Variants in EPN2 observed in about 807,000 individuals in gnomAD.
EPN2 encodes the protein epsin-2.
A neutral mutation model predicts 61.7 loss-of-function variants in EPN2; 34 were observed. That is an observed-to-expected ratio of 0.55 (90% CI 0.42 to 0.73). EPN2 has a LOEUF of 0.73. Ranked by LOEUF, EPN2 falls within the 30% of genes least tolerant of loss-of-function variation. EPN2 has a pLI of 0.00. For synonymous variants in EPN2, 349 were observed against 353.6 expected, an observed-to-expected ratio of 0.99 and a Z score of 0.15; for missense variants, 714 against 839.2, an observed-to-expected ratio of 0.85 and a Z score of 1.84.
chr17:19,287,082 G>A (rs558936905), intron 4 of EPN2, among the ~76,000 whole-genome samples: 1 of 152,050 alleles, frequency 6.6e-6, no homozygotes, highest in South Asian at 2.1e-4. Context: ...TAGCTCTCCC[G>A]CTGGCAAACT....
intron 1 of EPN2, among the ~76,000 whole-genome samples, chr17:19,272,720 T>G (rs1270645273): frequency 1.3e-5 from 2 of 152,234 alleles, no homozygotes; most frequent in African/African-American, 4.8e-5. Context: ...AAGACTGCTT[T>G]GAGGAATAGG....
In EPN2 at chr17:19,283,609, A is replaced by C. The variant is rs765137733; in HGVS notation, c.490A>C (p.Asn164His). 2 of 1,614,192 alleles carry C rather than the reference A, an allele frequency of 1.2e-6. No homozygotes were observed. Among genetic ancestry groups the C allele is most frequent in the South Asian group, 2.2e-5 (2 of 91,092 alleles). ...MAQVATGMGS[N>H]QITFGRGSSQ... ...CCAGGTTGCCACTGGCATGGGCAGCAACCAGATCACCTTTGGGCGAGGCTC... is the reference window on the plus strand; with the variant it reads ...CCAGGTTGCCACTGGCATGGGCAGCCACCAGATCACCTTTGGGCGAGGCTC... The change falls in exon 3 of 11, where the codon AAC becomes CAC. Residue 164 changes from asparagine (N) to histidine (H), a missense_variant. Coordinates refer to ENST00000314728, the MANE Select transcript of EPN2 (RefSeq NM_014964.5). The surrounding 1 kb of genome is among the most constrained non-coding windows in gnomAD (Gnocchi z 7.0).
chr17:19,298,559 G>A (rs945691791), intron 4 of EPN2, among the ~76,000 whole-genome samples: 2 of 152,070 alleles, frequency 1.3e-5, no homozygotes, highest in Admixed American at 6.5e-5. Context: ...TGGCTGGAGC[G>A]GTGTTGTGAT....
rs1474953209 is a variant in EPN2 at position 19,309,972 on chromosome 17, C to T, written c.854C>T (p.Ala285Val). The T allele has an allele frequency of 6.2e-6, 10 of 1,607,946 alleles. No homozygotes were observed. The highest frequency in any genetic ancestry group is 7.6e-6 in the Non-Finnish European group (9 of 1,179,954). ...EEELQLQLALAMSREVAEQEE... is the reference protein window; with the variant it reads ...EEELQLQLALVMSREVAEQEE... ...GAGCTTCAGCTGCAGCTGGCACTTG[C>T]CATGAGCAGAGAAGTGGCTGAGCAG... The change falls in exon 5 of 11, where the codon GCC (alanine) becomes GTC (valine). Residue 285 changes from alanine (A) to valine (V), a missense_variant. Physicochemically the swap from Ala to Val is moderately conservative, Grantham distance 64. Around this residue, in one of 2 missense-constraint regions of EPN2, gnomAD observed 304 missense variants for 417.4 expected, o/e 0.73. Transcript: ENST00000314728.
intron 4 of EPN2, among the ~76,000 whole-genome samples, chr17:19,299,113 A>G (rs1905344088): frequency 6.6e-6 from 1 of 152,216 alleles, no homozygotes. Flanking sequence ...GAGAGTGCTC[A>G]ATTGGGAGCC....
chr17:19,332,049 C>G lies in EPN2; in HGVS notation c.1608C>G (p.Leu536=). The G allele has an allele frequency of 6.2e-7, 1 of 1,610,836 alleles. No individual in the cohort carries two copies. The highest frequency in any genetic ancestry group is 8.5e-7 in the Non-Finnish European group (1 of 1,179,496). Residue 536 remains leucine, a synonymous_variant, in exon 10 of 11, where the codon CTC becomes CTG. Transcript: ENST00000314728. ...VTRPAPPAQS[L]NPFLAPGAPA... Reference sequence around the variant, plus strand: ...GGCCTGCCCCACCAGCCCAGTCCCTCAACCCTTTCCTGGCACCAGGTAGGC... The same window carrying G: ...GGCCTGCCCCACCAGCCCAGTCCCTGAACCCTTTCCTGGCACCAGGTAGGC...
chr17:19,239,999 TTTAA>T (rs1220083464), intron 1 of EPN2, among the ~76,000 whole-genome samples: 1 of 152,090 alleles, frequency 6.6e-6, no homozygotes, highest in Non-Finnish European at 1.5e-5. Flanking sequence ...TTTTTTTAAC[TTTAA>T]TTAGGAGGAG....
chr17:19,268,060 C>T (rs1417060809), intron 1 of EPN2, among the ~76,000 whole-genome samples: 2 of 152,240 alleles, frequency 1.3e-5, no homozygotes, highest in South Asian at 2.1e-4. Flanking sequence ...TCCCAGCTAC[C>T]TTAGTGGCAG....
chr17:19,260,569 G>A (rs1202970778), intron 1 of EPN2, among the ~76,000 whole-genome samples: 1 of 151,846 alleles, frequency 6.6e-6, no homozygotes, highest in East Asian at 1.9e-4. Flanking sequence ...TCTGAGACCT[G>A]TTGGCCAAAG....
At chr17:19,312,203 T>A in intron 6 of EPN2, 59 bp downstream of exon 6, 1 of 1,235,496 alleles carries the variant, frequency 8.1e-7, no homozygotes, top group African/African-American at 1.5e-5. Flanking sequence ...TGCCTCAATA[T>A]CCCCCCACCA....
intron 9 of EPN2, among the ~76,000 whole-genome samples, chr17:19,330,990 G>C (rs965671804): frequency 6.6e-6 from 1 of 152,134 alleles, no homozygotes; most frequent in African/African-American, 2.4e-5. Flanking sequence ...GGTGTTATTG[G>C]TGTTTTGTTT....
At position 19,281,996 on chromosome 17, in the gene EPN2, T is replaced by C. The variant is rs1007923207; in HGVS notation, c.-252T>C. On this transcript the variant is annotated 5_prime_UTR_variant, in exon 2 of 11. Transcript: ENST00000314728. ...GGGCACAGTGCTAAGTGCTGGGTGC[T>C]CACTGGTGATGAGGCAGATGAAGGT... The C allele has an allele frequency of 6.6e-6, 1 of 152,232 alleles. No homozygotes were observed. The highest frequency in any genetic ancestry group is 1.5e-5 in the Non-Finnish European group (1 of 68,056). The allele number at this position is 152,232 out of a possible 1,614,324, so 9.4% of individuals were successfully genotyped here. A position where few individuals can be genotyped will look rare whatever the true frequency, so the allele number is the denominator to read the frequency against.
At chr17:19,244,470 A>AG (rs928671389) in intron 1 of EPN2, among the ~76,000 whole-genome samples, 8 of 152,066 alleles carry the variant, frequency 5.3e-5, no homozygotes, top group African/African-American at 1.9e-4. Context: ...AAAAAAAAAA[A>AG]AAAGAAAGAA....
intron 4 of EPN2, among the ~76,000 whole-genome samples, chr17:19,289,530 T>C (rs904848848): frequency 2.6e-5 from 4 of 151,782 alleles, no homozygotes; most frequent in Non-Finnish European, 5.9e-5. Context: ...CGGCTGTGGG[T>C]GCAGTAGGTT....
chr17:19,295,393 G>A (rs2045509838), intron 4 of EPN2, among the ~76,000 whole-genome samples: 1 of 146,736 alleles, frequency 6.8e-6, no homozygotes, highest in South Asian at 2.1e-4. Flanking sequence ...ATAGCCAGGT[G>A]TAGTGGTGCA....
chr17:19,258,725 G>A (rs1029488924), intron 1 of EPN2, among the ~76,000 whole-genome samples: 8 of 152,170 alleles, frequency 5.3e-5, no homozygotes, highest in Admixed American at 1.3e-4. Flanking sequence ...TCGATGCTGC[G>A]TGTGGACAGC....
At chr17:19,315,198 C>T (rs574531975) in intron 7 of EPN2, among the ~76,000 whole-genome samples, 1 of 152,348 alleles carries the variant, frequency 6.6e-6, no homozygotes, top group South Asian at 2.1e-4. Context: ...AAGTTATGCC[C>T]AGCCCCTCCT....
At chr17:19,252,020 G>T (rs1465482045) in intron 1 of EPN2, among the ~76,000 whole-genome samples, 1 of 152,104 alleles carries the variant, frequency 6.6e-6, no homozygotes, top group African/African-American at 2.4e-5. Flanking sequence ...TTTTGATTGT[G>T]ACCCCGTTGC....
At chr17:19,332,119 G>C (rs1475047876) in intron 10 of EPN2, 51 bp downstream of exon 10, 3 of 1,404,900 alleles carry the variant, frequency 2.1e-6, no homozygotes, top group Non-Finnish European at 2.0e-6. Flanking sequence ...CTGGGAATGG[G>C]TGTGCAGCAG....
Sources: allele counts gnomAD v4.1 joint callset (sites outside exome capture counted in the v4.1 genomes callset), GRCh38; gene constraint gnomAD v4.1.1; regional missense constraint gnomAD v4.1.1; non-coding constraint Gnocchi (gnomAD v3.1); transcripts MANE v1.5; gene names NCBI Gene and HGNC (gene_info 2026-07-23, HGNC 2026-07-21).